The following DRG2 variants were observed in gnomAD, a reference collection of about 807,000 sequenced individuals.
The protein encoded by DRG2 is developmentally regulated GTP binding protein 2.
In DRG2, 36 loss-of-function variants were observed where a neutral mutation model predicts 53.4. The observed-to-expected ratio is 0.67, with a 90% CI of 0.52 to 0.89. The LOEUF (loss-of-function observed/expected upper bound fraction) is 0.89. Among genes scored for constraint, DRG2 ranks in the 40% least tolerant of loss-of-function variants. The pLI, the probability that DRG2 is intolerant of heterozygous loss-of-function variation, is 0.00. For synonymous variants in DRG2, 167 were observed against 192.1 expected (o/e 0.87, Z 1.08); for missense variants, 342 against 481.2 (o/e 0.71, Z 2.71).
intron 1 of DRG2, among the ~76,000 whole-genome samples, 163 bp downstream of exon 1, chr17:18,088,250 G>A (rs1362514360): frequency 6.6e-6 from 1 of 152,280 alleles, no homozygotes; most frequent in Non-Finnish European, 1.5e-5. Context: ...GCAGGGCCAG[G>A]CGGGAGCGGG....
At chr17:18,092,770 A>G (rs1597716963) in intron 1 of DRG2, among the ~76,000 whole-genome samples, 1 of 152,370 alleles carries the variant, frequency 6.6e-6, no homozygotes, top group East Asian at 1.9e-4. Flanking sequence ...ACCCTGAAGC[A>G]GTAGAATGCT....
At chr17:18,092,972 G>C (rs1041395761) in intron 1 of DRG2, among the ~76,000 whole-genome samples, 3 of 152,182 alleles carry the variant, frequency 2.0e-5, no homozygotes, top group African/African-American at 7.2e-5. Context: ...GCATTCCTGG[G>C]AATTTCAGTG....
At chr17:18,091,328 G>A (rs2045330036) in intron 1 of DRG2, among the ~76,000 whole-genome samples, 1 of 152,186 alleles carries the variant, frequency 6.6e-6, no homozygotes, top group African/African-American at 2.4e-5. Flanking sequence ...GCTCACGCCT[G>A]TAATCCCAGC....
In DRG2 at chr17:18,100,562, CTT is replaced by C. The variant is rs1410856466; in HGVS notation, c.541-5_541-4del. 6.2e-7 allele frequency: 1 copy of C among 1,614,086 alleles called. No homozygotes were observed. The highest frequency in any genetic ancestry group is 2.2e-5 in the East Asian group (1 of 44,892). ...GCAGTTCTCCCCATCCCTTTCTCCT[CTT>C]TCAGCCCAAGAAAGGTGGTGGCATC... On this transcript the variant is annotated splice_polypyrimidine_tract_variant and splice_region_variant and intron_variant, in intron 6 of 12. Coordinates refer to ENST00000225729, the MANE Select transcript of DRG2 (RefSeq NM_001388.5). This position sits in a 1 kb window ranked among gnomAD's most constrained non-coding sequence, Gnocchi z 4.1.
In DRG2 at chr17:18,100,715, G is replaced by A; in HGVS notation, c.631+56G>A. On this transcript the variant is annotated intron_variant, in intron 7 of 12. Coordinates refer to ENST00000225729, the MANE Select transcript of DRG2 (RefSeq NM_001388.5). The surrounding 1 kb of genome is among the most constrained non-coding windows in gnomAD (Gnocchi z 4.1). ...GGCAGCCACCACCGTCAGCGCAGCG[G>A]GGGGACTGACTAAGACAGGAGGCCT... is the stretch of plus-strand genomic sequence containing the variant. The A allele has an allele frequency of 1.3e-6, 2 of 1,536,916 alleles. No homozygotes were observed. The highest frequency in any genetic ancestry group is 1.2e-5 in the South Asian group (1 of 84,980).
At chr17:18,090,384 ATATATATATATATATATATATATT>A (rs1377198927) in intron 1 of DRG2, among the ~76,000 whole-genome samples, 7 of 9,298 alleles carry the variant, frequency 7.5e-4, no homozygotes, top group African/African-American at 3.9e-3. Flanking sequence ...ATATATATAT[ATATATATATATATATATATATATT>A]TTTTTTTTTT....
Position 18,091,749 on chromosome 17 carries a change from T to G in DRG2, c.65-2064T>G, listed in dbSNP as rs946415020. 5.2e-4 allele frequency among the ~76,000 whole-genome samples: 79 copies of G among 152,256 alleles called. 1 individual carries two copies. The highest frequency in any genetic ancestry group is 1.5e-4 in the Non-Finnish European group (10 of 68,010). On this transcript the variant is annotated intron_variant, in intron 1 of 12. Transcript: ENST00000225729. ...GGCGTGTGCCTGTAGTCCCAGCTACTTGGGAGGCTGAGGTAGGAGAATCTC... is the reference window on the plus strand; with the variant it reads ...GGCGTGTGCCTGTAGTCCCAGCTACGTGGGAGGCTGAGGTAGGAGAATCTC...
Position 18,098,912 on chromosome 17 carries a change from C to T in DRG2, c.316-105C>T, listed in dbSNP as rs868558950. ...GCCACAGGTTGGCATCTGGGTTTCC[C>T]TCAGCCCCTGAGCCCCGGGGCCATT... On this transcript the variant is annotated intron_variant, in intron 3 of 12. Coordinates refer to ENST00000225729, the MANE Select transcript of DRG2 (RefSeq NM_001388.5). The surrounding 1 kb of genome is among the most constrained non-coding windows in gnomAD (Gnocchi z 4.1). 2.1e-5 allele frequency: 28 copies of T among 1,353,016 alleles called. 1 individual carries two copies. In the South Asian group the frequency reaches 3.6e-4, roughly 17 times the overall value. The allele number at this position is 1,353,016 out of a possible 1,614,324, so 83.8% of individuals were successfully genotyped here.
chr17:18,104,709 G>C, intron 11 of DRG2, 28 bp downstream of exon 11: 2 of 1,613,804 alleles, frequency 1.2e-6, no homozygotes, highest in Non-Finnish European at 1.7e-6. Flanking sequence ...GCCGTGACAA[G>C]GGGTGGGAGC....
Position 18,101,970 on chromosome 17 carries a change from C to T in DRG2, c.779C>T (p.Ala260Val). Residue 260 changes from alanine (A) to valine (V), a missense_variant, in exon 9 of 13, where the codon GCC becomes GTC. Physicochemically the swap from Ala to Val is moderately conservative, Grantham distance 64 (BLOSUM62 0). Coordinates refer to ENST00000225729, the MANE Select transcript of DRG2 (RefSeq NM_001388.5). ...TCCATGGAAGAGGTGGACCGCCTGG[C>T]CCGAAAACCCAACAGTGTGGTCATC... is the stretch of plus-strand genomic sequence containing the variant. The part of the protein sequence containing the change: ...QISMEEVDRL[A>V]RKPNSVVISC... The T allele has an allele frequency of 6.2e-7, 1 of 1,611,770 alleles. No homozygotes were observed. Among genetic ancestry groups the T allele is most frequent in the Non-Finnish European group, 8.5e-7 (1 of 1,178,822 alleles).
intron 1 of DRG2, 108 bp downstream of exon 1, chr17:18,088,195 G>C: frequency 7.3e-7 from 1 of 1,371,170 alleles, no homozygotes; most frequent in South Asian, 1.4e-5. Flanking sequence ...CCGAGGCCGC[G>C]GAGAAGTTGC....
chr17:18,089,341 T>C (rs144574136), intron 1 of DRG2, among the ~76,000 whole-genome samples: 365 of 152,210 alleles, frequency 2.4e-3, no homozygotes, highest in African/African-American at 8.1e-3. Context: ...GGTTTTGCCA[T>C]GTCGTCCAGG....
chr17:18,107,209 A>G lies in DRG2; in HGVS notation c.1064A>G (p.His355Arg). Residue 355 changes from histidine (H) to arginine (R), a missense_variant, in exon 13 of 13, where the codon CAT (histidine) becomes CGT (arginine). Coordinates refer to ENST00000225729, the MANE Select transcript of DRG2 (RefSeq NM_001388.5). ...GTGGGCCTGACCCACACCATGGAGCATGAGGACGTCATCCAGATCGTGAAG... is the reference window on the plus strand; with the variant it reads ...GTGGGCCTGACCCACACCATGGAGCGTGAGGACGTCATCCAGATCGTGAAG... Reference protein sequence around the residue: ...QRVGLTHTMEHEDVIQIVKK With the variant: ...QRVGLTHTMEREDVIQIVKK The G allele has an allele frequency of 1.2e-6, 2 of 1,613,464 alleles. No homozygotes were observed. The highest frequency in any genetic ancestry group is 4.5e-5 in the East Asian group (2 of 44,886).
intron 10 of DRG2, among the ~76,000 whole-genome samples, chr17:18,104,094 G>A (rs1308752025): frequency 6.6e-6 from 1 of 152,158 alleles, no homozygotes; most frequent in Non-Finnish European, 1.5e-5. Flanking sequence ...GGTCCCCACT[G>A]GCTGTAGCAG....
chr17:18,088,245 G>A (rs2142173928), intron 1 of DRG2, among the ~76,000 whole-genome samples, 158 bp downstream of exon 1: 1 of 152,396 alleles, frequency 6.6e-6, no homozygotes, highest in South Asian at 2.1e-4. Context: ...CCAAGGCAGG[G>A]CCAGGCGGGA....
chr17:18,099,031 C>T lies in DRG2; in HGVS notation c.330C>T (p.Asn110=), dbSNP rs764492448. 1.2e-6 allele frequency: 2 copies of T among 1,614,156 alleles called. No individual in the cohort carries two copies. Among genetic ancestry groups the T allele is most frequent in the South Asian group, 2.2e-5 (2 of 91,080 alleles). Residue 110 remains asparagine, a synonymous_variant, in exon 4 of 13, where the codon AAC becomes AAT. Coordinates refer to ENST00000225729, the MANE Select transcript of DRG2 (RefSeq NM_001388.5). The surrounding 1 kb of genome is among the most constrained non-coding windows in gnomAD (Gnocchi z 4.4). ...IPGVIEYKGA[N]IQLLDLPGII... is the part of the protein sequence containing the mutation. The stretch of plus-strand genomic sequence containing the variant: ...CTGCATCCTAGTACAAAGGTGCCAA[C>T]ATCCAGCTCCTGGACCTTCCTGGAA...
At chr17:18,096,256 G>A (rs2045432067) in intron 2 of DRG2, 1 of 152,224 alleles carries the variant, frequency 6.6e-6, no homozygotes, top group African/African-American at 2.4e-5. Context: ...GGAGGGAGGT[G>A]ACTGTGTGCA....
chr17:18,105,244 A>G (rs542706034), intron 11 of DRG2, among the ~76,000 whole-genome samples: 156 of 152,256 alleles, frequency 1.0e-3, no homozygotes, highest in Non-Finnish European at 1.7e-3. Context: ...TCACCTGAAC[A>G]TGACCCTGCA....
In DRG2 at chr17:18,107,409, G is replaced by T. The variant is rs1481272003; in HGVS notation, c.*169G>T. The T allele has an allele frequency of 1.2e-5, 8 of 685,708 alleles. No individual in the cohort carries two copies. The highest frequency in any genetic ancestry group is 2.0e-5 in the Non-Finnish European group (8 of 400,690). 42.5% of individuals were successfully genotyped at this position (685,708 alleles called of 1,614,324 possible). A position where few individuals can be genotyped will look rare whatever the true frequency, so the allele number is the denominator to read the frequency against. ...TCTTCAGTAGGCAGACGAAGAGTGTGTTGGGGCAAAGGGGCTCGGTTGGAG... is the reference window on the plus strand; with the variant it reads ...TCTTCAGTAGGCAGACGAAGAGTGTTTTGGGGCAAAGGGGCTCGGTTGGAG... On this transcript the variant is annotated 3_prime_UTR_variant, in exon 13 of 13. Coordinates refer to ENST00000225729, the MANE Select transcript of DRG2 (RefSeq NM_001388.5).
Sources: gnomAD v4.1 joint callset for allele counts (sites outside exome capture counted in the v4.1 genomes callset) on GRCh38, gnomAD v4.1.1 for gene constraint, Gnocchi (gnomAD v3.1) non-coding constraint, MANE v1.5 for transcripts, NCBI Gene and HGNC (gene_info 2026-07-23, HGNC 2026-07-21) for gene names.